Variants in AKAP19 observed in about 807,000 individuals in gnomAD.
The protein encoded by AKAP19 is A-kinase anchoring protein 19, also known as small A-kinase anchoring protein.
chr2:189,956,529 T>C, the AKAP19 span, among the ~76,000 whole-genome samples: 1 of 152,086 alleles, frequency 6.6e-6, no homozygotes, highest in Non-Finnish European at 1.5e-5. Flanking sequence ...ATGAAAAAAC[T>C]AGTGCTGCAC....
the AKAP19 span, chr2:189,923,637 C>T: frequency 1.9e-6 from 3 of 1,613,976 alleles, no homozygotes; most frequent in Non-Finnish European, 2.5e-6. Flanking sequence ...AAACGATCTG[C>T]AGCGGAGATG....
chr2:190,167,132 C>G, the AKAP19 span, among the ~76,000 whole-genome samples: 3 of 152,180 alleles, frequency 2.0e-5, no homozygotes, highest in Admixed American at 1.3e-4. Flanking sequence ...ACAAAAGAAA[C>G]AGGTTTATTG....
At chr2:189,902,858 G>A in the AKAP19 span, among the ~76,000 whole-genome samples, 1 of 151,386 alleles carries the variant, frequency 6.6e-6, no homozygotes, top group African/African-American at 2.4e-5. Context: ...CAGCTCGGTG[G>A]CATATATTTT....
chr2:190,052,115 A>G, the AKAP19 span, among the ~76,000 whole-genome samples: 11 of 152,228 alleles, frequency 7.2e-5, no homozygotes, highest in African/African-American at 2.4e-4. Flanking sequence ...CTGGGATTAC[A>G]GGCGTGATCT....
At chr2:190,089,058 A>G in the AKAP19 span, among the ~76,000 whole-genome samples, 1 of 152,178 alleles carries the variant, frequency 6.6e-6, no homozygotes, top group East Asian at 1.9e-4. Flanking sequence ...AGCCACATCG[A>G]GCTTTGAGTC....
the AKAP19 span, among the ~76,000 whole-genome samples, chr2:190,171,528 T>A: frequency 6.6e-6 from 1 of 152,216 alleles, no homozygotes; most frequent in Non-Finnish European, 1.5e-5. Context: ...TCTCTAAAAT[T>A]CTTAGTTCTC....
the AKAP19 span, among the ~76,000 whole-genome samples, chr2:190,030,402 T>G: frequency 1.3e-5 from 2 of 152,232 alleles, no homozygotes; most frequent in African/African-American, 4.8e-5. Context: ...ACTGCCAGCT[T>G]TCTGATTTCT....
chr2:189,892,685 G>A, the AKAP19 span, among the ~76,000 whole-genome samples: 1 of 152,214 alleles, frequency 6.6e-6, no homozygotes, highest in African/African-American at 2.4e-5. Context: ...GCTGGGAGGT[G>A]TCTCCTAGTC....
the AKAP19 span, among the ~76,000 whole-genome samples, chr2:189,900,773 G>A: frequency 1.3e-5 from 2 of 152,260 alleles, no homozygotes; most frequent in South Asian, 2.1e-4. Context: ...AGAAAGGCAG[G>A]TTTATTAGAG....
the AKAP19 span, among the ~76,000 whole-genome samples, chr2:190,116,098 G>A: frequency 1.2e-4 from 19 of 152,246 alleles, no homozygotes; most frequent in African/African-American, 4.3e-4. Context: ...GCCACAGCTC[G>A]ACTGATTCTG....
At chr2:190,039,016 CTCTTCCTCTTCTTCCTCTTCTTCCTCT>C in the AKAP19 span, among the ~76,000 whole-genome samples, 1,511 of 120,460 alleles carry the variant, frequency 0.013, 54 homozygotes, top group East Asian at 0.072. Flanking sequence ...CTTCCTCTTC[CTCTTCCTCTTCTTCCTCTTCTTCCTCT>C]TCTTCCTCTT....
At chr2:190,124,295 G>A in the AKAP19 span, among the ~76,000 whole-genome samples, 1 of 152,194 alleles carries the variant, frequency 6.6e-6, no homozygotes, top group African/African-American at 2.4e-5. Flanking sequence ...GCAAACATGA[G>A]AGATTATACT....
chr2:190,106,617 C>T, the AKAP19 span, among the ~76,000 whole-genome samples: 1,475 of 152,210 alleles, frequency 9.7e-3, 25 homozygotes, highest in African/African-American at 0.034. Context: ...ATCCATGGGG[C>T]CTTTATCTCT....
At chr2:189,984,859 G>A in the AKAP19 span, among the ~76,000 whole-genome samples, 15 of 152,006 alleles carry the variant, frequency 9.9e-5, no homozygotes, top group Non-Finnish European at 1.9e-4. Flanking sequence ...ATCTAGTGGT[G>A]CGATGACGCA....
At chr2:190,133,130 C>T in the AKAP19 span, among the ~76,000 whole-genome samples, 37,172 of 148,456 alleles carry the variant, frequency 0.25, 4,862 homozygotes, top group Admixed American at 0.36. Context: ...GCCAGCTACT[C>T]GGGATGCTGA....
At chr2:190,116,647 A>G in the AKAP19 span, among the ~76,000 whole-genome samples, 1 of 152,246 alleles carries the variant, frequency 6.6e-6, no homozygotes, top group Non-Finnish European at 1.5e-5. Context: ...AGGACCACTC[A>G]CAGGGTTTGT....
the AKAP19 span, among the ~76,000 whole-genome samples, chr2:190,038,415 C>T: frequency 6.6e-6 from 1 of 151,714 alleles, no homozygotes; most frequent in African/African-American, 2.4e-5. Flanking sequence ...GCATTCTCAT[C>T]ATTGCTACTC....
At chr2:190,025,076 G>C in the AKAP19 span, among the ~76,000 whole-genome samples, 8 of 152,098 alleles carry the variant, frequency 5.3e-5, no homozygotes, top group Non-Finnish European at 1.0e-4. Flanking sequence ...ATATCACATT[G>C]ATCACTAAGA....
chr2:189,975,086 T>C, the AKAP19 span, among the ~76,000 whole-genome samples: 2 of 152,216 alleles, frequency 1.3e-5, no homozygotes, highest in Admixed American at 6.5e-5. Context: ...TGATGGTCTT[T>C]ACAATTTGGC....
Sources: allele counts gnomAD v4.1 joint callset (sites outside exome capture counted in the v4.1 genomes callset), GRCh38; gene constraint gnomAD v4.1.1; transcripts MANE v1.5; gene names NCBI Gene and HGNC (gene_info 2026-07-23, HGNC 2026-07-21).